RBFOX1: variants seen among roughly 807,000 people sequenced by gnomAD.
RBFOX1 encodes the protein RNA binding fox-1 homolog 1, also known as RNA binding protein fox-1 homolog 1.
RBFOX1 carries 8 observed loss-of-function variants against 57.7 expected under a neutral mutation model. The ratio of observed to expected loss-of-function variants is 0.14; its 90% CI spans 0.08 to 0.25. RBFOX1 has a LOEUF of 0.25. Among genes scored for constraint, RBFOX1 ranks in the 10% least tolerant of loss-of-function variants. The probability of loss-of-function intolerance (pLI) is 1.00; values close to 1 mark genes in which losing one functional copy is unlikely to be tolerated. For synonymous variants in RBFOX1, 326 were observed against 222.4 expected (o/e 1.47, Z -4.15); for missense variants, 611 against 548.5 (o/e 1.11, Z -1.14).
At chr16:6,935,207 G>C (rs1257399326) in intron 3 of RBFOX1, among the ~76,000 whole-genome samples, 1 of 152,208 alleles carries the variant, frequency 6.6e-6, no homozygotes, top group African/African-American at 2.4e-5. Flanking sequence ...ACATAGCTCA[G>C]AGTGTATGGT....
rs111367350 is a variant in RBFOX1, at chr16:6,968,821, GT to G, written c.-15-83223del. ...AGAATGTATTAATCCAGGTTTTTTT[GT>G]TTTTTTTTTTTTAAAGAAAACCTGC... is the stretch of plus-strand genomic sequence containing the variant. On this transcript the variant is annotated intron_variant, in intron 3 of 15. Transcript: ENST00000550418. 5.9e-3 allele frequency among the ~76,000 whole-genome samples: 840 copies of G among 141,944 alleles called. 5 individuals carry two copies. Among genetic ancestry groups the G allele is most frequent in the African/African-American group, 0.011 (433 of 38,880 alleles). The allele number at this position is 141,944 out of a possible 152,430, so 93.1% of individuals were successfully genotyped here. A position where few individuals can be genotyped will look rare whatever the true frequency, so the allele number is the denominator to read the frequency against.
intron 4 of RBFOX1, among the ~76,000 whole-genome samples, chr16:7,354,869 C>T (rs985121265): frequency 6.6e-6 from 1 of 152,196 alleles, no homozygotes; most frequent in Non-Finnish European, 1.5e-5. Context: ...GCTAAAAGTT[C>T]TGCTGGACAG....
intron 4 of RBFOX1, among the ~76,000 whole-genome samples, chr16:7,464,167 C>G (rs530877100): frequency 2.1e-4 from 32 of 152,176 alleles, no homozygotes; most frequent in Non-Finnish European, 3.8e-4. Context: ...TTACATTATT[C>G]ACCCATTACA....
chr16:6,974,633 C>G (rs1355937959), intron 3 of RBFOX1, among the ~76,000 whole-genome samples: 1 of 152,142 alleles, frequency 6.6e-6, no homozygotes, highest in Non-Finnish European at 1.5e-5. Context: ...GCGTGAGTCA[C>G]TGCACCTGGC....
intron 4 of RBFOX1, among the ~76,000 whole-genome samples, chr16:7,211,592 A>G (rs2091152848): frequency 6.6e-6 from 1 of 152,120 alleles, no homozygotes; most frequent in Admixed American, 6.5e-5. Flanking sequence ...AGAGAGAGAA[A>G]GAGTTGTTGA....
At chr16:6,545,528 G>C (rs1463277217) in intron 2 of RBFOX1, among the ~76,000 whole-genome samples, 2 of 152,242 alleles carry the variant, frequency 1.3e-5, no homozygotes, top group Non-Finnish European at 2.9e-5. Context: ...CACTTGGCAA[G>C]GTCCACTCTT....
At chr16:7,676,648 C>T (rs2073361254) in intron 13 of RBFOX1, 126 bp from the exon 14 acceptor site, 2 of 808,554 alleles carry the variant, frequency 2.5e-6, no homozygotes, top group Non-Finnish European at 4.2e-6. Flanking sequence ...TGATACTAAG[C>T]TTTCATTAAC....
intron 4 of RBFOX1, among the ~76,000 whole-genome samples, chr16:7,494,469 C>T (rs971420857): frequency 6.6e-6 from 1 of 152,082 alleles, no homozygotes; most frequent in Non-Finnish European, 1.5e-5. Flanking sequence ...ATTATTTTTT[C>T]TGGAAAATTT....
chr16:5,426,445 G>A (rs2067561601), intron 1 of RBFOX1, among the ~76,000 whole-genome samples: 1 of 152,198 alleles, frequency 6.6e-6, no homozygotes, highest in Admixed American at 6.5e-5. Flanking sequence ...AGCGTTTGCA[G>A]CCACCGCCAG....
At chr16:5,448,921 G>C (rs528347792) in intron 1 of RBFOX1, among the ~76,000 whole-genome samples, 26 of 151,958 alleles carry the variant, frequency 1.7e-4, no homozygotes, top group African/African-American at 6.3e-4. Context: ...CTTGGAATAC[G>C]TGTCTCCTCC....
At chr16:7,345,516 C>T (rs1052558390) in intron 4 of RBFOX1, among the ~76,000 whole-genome samples, 1 of 152,294 alleles carries the variant, frequency 6.6e-6, no homozygotes, top group Admixed American at 6.5e-5. Context: ...TGTGACTTAG[C>T]AGAGGGACTT....
intron 2 of RBFOX1, among the ~76,000 whole-genome samples, chr16:5,569,253 C>T (rs915492321): frequency 2.6e-5 from 4 of 151,870 alleles, no homozygotes; most frequent in Admixed American, 6.6e-5. Flanking sequence ...TGACCAACCC[C>T]GGTGTAGATG....
At chr16:6,762,993 A>G (rs1436458635) in intron 3 of RBFOX1, among the ~76,000 whole-genome samples, 2 of 151,704 alleles carry the variant, frequency 1.3e-5, no homozygotes, top group Non-Finnish European at 2.9e-5. Context: ...AAATTTGCCC[A>G]GTGCAAATAG....
At chr16:7,147,297 A>C (rs1185150184) in intron 4 of RBFOX1, among the ~76,000 whole-genome samples, 1 of 148,754 alleles carries the variant, frequency 6.7e-6, no homozygotes. Context: ...GAGCCACCAC[A>C]CCTGGCCCTA....
At chr16:5,655,721 A>G (rs2049405519) in intron 3 of RBFOX1, among the ~76,000 whole-genome samples, 1 of 152,200 alleles carries the variant, frequency 6.6e-6, no homozygotes, top group African/African-American at 2.4e-5. Flanking sequence ...ACCCTTGAGA[A>G]GGTCGAAGTG....
At chr16:7,179,329 C>G (rs1922587) in intron 4 of RBFOX1, among the ~76,000 whole-genome samples, 2 of 151,802 alleles carry the variant, frequency 1.3e-5, no homozygotes, top group African/African-American at 4.8e-5. Flanking sequence ...CTCAAAGCAC[C>G]GCTTTCCCCT....
intron 3 of RBFOX1, among the ~76,000 whole-genome samples, chr16:6,780,618 T>C (rs1326829614): frequency 1.4e-5 from 2 of 144,950 alleles, no homozygotes; most frequent in East Asian, 3.9e-4. Context: ...TTTTGTTTTT[T>C]AGTTGTTGGT....
chr16:6,637,207 T>A lies in RBFOX1; in HGVS notation c.-63-17396T>A, dbSNP rs186342178. 2.1e-3 allele frequency among the ~76,000 whole-genome samples: 122 copies of A among 59,370 alleles called. 3 individuals carry two copies. The highest frequency in any genetic ancestry group is 8.1e-3 in the African/African-American group (89 of 10,962). The allele number at this position is 59,370 out of a possible 152,430, so 38.9% of individuals were successfully genotyped here. On this transcript the variant is annotated intron_variant, in intron 2 of 15. Transcript: ENST00000550418. ...AATATACAATATATATTATATATTA[T>A]ATATATTATATAATATACAATATAT...
intron 4 of RBFOX1, among the ~76,000 whole-genome samples, chr16:7,114,987 A>T (rs549936872): frequency 1.3e-5 from 2 of 152,272 alleles, no homozygotes; most frequent in African/African-American, 2.4e-5. Flanking sequence ...TGAGGGTGAA[A>T]ATAGGGTAAG....
Sources: gnomAD v4.1 joint callset for allele counts (sites outside exome capture counted in the v4.1 genomes callset) on GRCh38, gnomAD v4.1.1 for gene constraint, MANE v1.5 for transcripts, NCBI Gene and HGNC (gene_info 2026-07-23, HGNC 2026-07-21) for gene names.